Variants in TRERF1 observed in about 807,000 individuals in gnomAD.
The protein encoded by TRERF1 is transcriptional-regulating factor 1.
Under a neutral mutation model 122.9 loss-of-function variants are expected in TRERF1, and 27 were observed. The observed-to-expected ratio is 0.22, with a 90% CI of 0.16 to 0.30. The LOEUF (loss-of-function observed/expected upper bound fraction) is 0.30. Among genes scored for constraint, TRERF1 ranks in the 10% least tolerant of loss-of-function variants. TRERF1 has a pLI of 1.00. For missense variants in TRERF1, 1,248 were observed against 1,560.3 expected (o/e 0.80, Z 3.37); for synonymous variants, 636 against 641.7 (o/e 0.99, Z 0.13).
rs114212416 is a variant in TRERF1, at chr6:42,281,415, T to C, written c.-258-11567A>G. Among the ~76,000 whole-genome samples, 983 of 152,270 alleles carry C rather than the reference T, an allele frequency of 6.5e-3. 11 individuals carry two copies. The highest frequency in any genetic ancestry group is 0.022 in the African/African-American group (933 of 41,550). On this transcript the variant is annotated intron_variant, in intron 4 of 17. Transcript: ENST00000372922. ...ATTTCATTTTTCAAACAATACTAGATATCCAGTTCCATAGAAACAGAATTG... is the reference window on the plus strand; with the variant it reads ...ATTTCATTTTTCAAACAATACTAGACATCCAGTTCCATAGAAACAGAATTG...
intron 2 of TRERF1, among the ~76,000 whole-genome samples, chr6:42,410,364 G>C (rs1267766191): frequency 6.6e-6 from 1 of 151,980 alleles, no homozygotes; most frequent in African/African-American, 2.4e-5. Flanking sequence ...GCCCAGACTA[G>C]TCTAGAACTC....
intron 2 of TRERF1, among the ~76,000 whole-genome samples, chr6:42,437,507 G>A (rs1785675997): frequency 6.6e-6 from 1 of 152,138 alleles, no homozygotes; most frequent in African/African-American, 2.4e-5. Flanking sequence ...GTAAAACAAA[G>A]GTACTGAGAG....
intron 2 of TRERF1, among the ~76,000 whole-genome samples, chr6:42,375,111 G>C (rs1379588320): frequency 6.6e-6 from 1 of 152,038 alleles, no homozygotes. Flanking sequence ...GGAAGCTCAG[G>C]GTAAAGCGAC....
chr6:42,361,317 C>T (rs934832669), intron 3 of TRERF1, among the ~76,000 whole-genome samples: 3 of 152,218 alleles, frequency 2.0e-5, no homozygotes, highest in Non-Finnish European at 4.4e-5. Context: ...GGTTATAAGC[C>T]TCCACATCTA....
In TRERF1 at chr6:42,252,209, G is replaced by A. The variant is rs539298971; in HGVS notation, c.2656+2642C>T. Reference sequence around the variant, plus strand: ...TAGATCTGGGCAAGTTGCCCACCACGTCGGCCCTTCCCCCATAGCACATCT... The same window carrying A: ...TAGATCTGGGCAAGTTGCCCACCACATCGGCCCTTCCCCCATAGCACATCT... On this transcript the variant is annotated intron_variant, in intron 13 of 17. Transcript: ENST00000372922. 2.0e-3 allele frequency among the ~76,000 whole-genome samples: 298 copies of A among 152,330 alleles called. 1 individual carries two copies. Among genetic ancestry groups the A allele is most frequent in the African/African-American group, 6.6e-3 (273 of 41,590 alleles).
At chr6:42,257,665 C>G (rs553116763) in intron 10 of TRERF1, among the ~76,000 whole-genome samples, 3 of 152,366 alleles carry the variant, frequency 2.0e-5, no homozygotes, top group Admixed American at 6.5e-5. Context: ...ACTCTACCAC[C>G]TGGCCTCTTT....
chr6:42,451,647 A>C (rs1292620803), intron 1 of TRERF1, among the ~76,000 whole-genome samples, 27 bp downstream of exon 1: 1 of 30,914 alleles, frequency 3.2e-5, no homozygotes. Flanking sequence ...CCTCCTCCCC[A>C]TGCGCCCTCC....
chr6:42,380,986 T>C (rs988822126), intron 2 of TRERF1, among the ~76,000 whole-genome samples: 1 of 152,192 alleles, frequency 6.6e-6, no homozygotes, highest in African/African-American at 2.4e-5. Context: ...TCACACATCA[T>C]CAAACTGAGT....
At chr6:42,314,932 G>A (rs899789329) in intron 3 of TRERF1, among the ~76,000 whole-genome samples, 9 of 152,186 alleles carry the variant, frequency 5.9e-5, no homozygotes, top group South Asian at 4.1e-4. Context: ...TAGGTTGGTC[G>A]CATAGGGTGC....
intron 2 of TRERF1, among the ~76,000 whole-genome samples, chr6:42,419,667 G>A (rs1202700883): frequency 6.6e-6 from 1 of 152,104 alleles, no homozygotes; most frequent in African/African-American, 2.4e-5. Flanking sequence ...TGGCACCCAC[G>A]GATTTGGAGA....
chr6:42,263,538 G>A lies in TRERF1; in HGVS notation c.1666C>T (p.Pro556Ser), dbSNP rs1304421645. 6.4e-7 allele frequency: 1 copy of A among 1,553,116 alleles called. No homozygotes were observed. The highest frequency in any genetic ancestry group is 2.3e-5 in the East Asian group (1 of 44,032). Residue 556 changes from proline (P) to serine (S), a missense_variant, in exon 8 of 18, where the codon CCC (proline) becomes TCC (serine). Transcript: ENST00000372922. The surrounding 1 kb of genome is among the most constrained non-coding windows in gnomAD (Gnocchi z 5.6). ...GGCGGAGGCGGCAGTGGTGGCTGGG[G>A]CTGAGGCGGCAGGACCTTCTCTCCT...
intron 2 of TRERF1, among the ~76,000 whole-genome samples, chr6:42,444,089 C>T (rs1787031660): frequency 1.3e-5 from 2 of 151,742 alleles, no homozygotes; most frequent in South Asian, 4.2e-4. Flanking sequence ...ACCCACCTCC[C>T]ATGCAGACCC....
intron 2 of TRERF1, among the ~76,000 whole-genome samples, chr6:42,439,205 C>T (rs1047760946): frequency 2.0e-5 from 3 of 152,126 alleles, no homozygotes; most frequent in South Asian, 2.1e-4. Context: ...GACTGGATTC[C>T]GTTCCCCAAC....
intron 2 of TRERF1, among the ~76,000 whole-genome samples, chr6:42,428,311 T>C (rs1387365258): frequency 6.6e-6 from 1 of 152,258 alleles, no homozygotes; most frequent in Non-Finnish European, 1.5e-5. Flanking sequence ...ATATTTTTAG[T>C]TCTGCAGACT....
intron 4 of TRERF1, among the ~76,000 whole-genome samples, chr6:42,274,131 G>A (rs963135885): frequency 2.0e-5 from 3 of 152,196 alleles, no homozygotes; most frequent in African/African-American, 7.2e-5. Context: ...GATCACCTGG[G>A]AAATAACAAA....
Position 42,256,957 on chromosome 6 carries a change from CA to C in TRERF1, c.2476+5del, listed in dbSNP as rs1201748158. ...CTCCCACCCAGCTCTTCCCATATGCCAATACCTCTTTGCTGGAGGTCATGGT... is the reference window on the plus strand; with the variant it reads ...CTCCCACCCAGCTCTTCCCATATGCCATACCTCTTTGCTGGAGGTCATGGT... On this transcript the variant is annotated splice_donor_5th_base_variant and intron_variant, in intron 11 of 17. Transcript: ENST00000372922. 2 of 1,614,092 alleles carry C rather than the reference CA, an allele frequency of 1.2e-6. No homozygotes were observed. Among genetic ancestry groups the C allele is most frequent in the Non-Finnish European group, 1.7e-6 (2 of 1,180,034 alleles).
chr6:42,249,822 A>G (rs1775447341), intron 13 of TRERF1, among the ~76,000 whole-genome samples: 1 of 152,194 alleles, frequency 6.6e-6, no homozygotes, highest in Non-Finnish European at 1.5e-5. Context: ...TCTGCTCAAC[A>G]GGGTGTCCAC....
intron 3 of TRERF1, among the ~76,000 whole-genome samples, chr6:42,307,177 C>T (rs576440137): frequency 6.6e-6 from 1 of 152,270 alleles, no homozygotes; most frequent in South Asian, 2.1e-4. Context: ...CAATGTATCA[C>T]CTAAATGTTG....
At chr6:42,333,998 T>TGC (rs1554171333) in intron 3 of TRERF1, among the ~76,000 whole-genome samples, 1 of 147,078 alleles carries the variant, frequency 6.8e-6, no homozygotes, top group African/African-American at 2.5e-5. Flanking sequence ...ACACATACAC[T>TGC]ACACACACAC....
Sources: gnomAD v4.1 joint callset for allele counts (sites outside exome capture counted in the v4.1 genomes callset) on GRCh38, gnomAD v4.1.1 for gene constraint, Gnocchi (gnomAD v3.1) non-coding constraint, MANE v1.5 for transcripts, NCBI Gene and HGNC (gene_info 2026-07-23, HGNC 2026-07-21) for gene names.